The following ZNF837 variants were observed in gnomAD, a reference collection of about 807,000 sequenced individuals.
ZNF837 encodes the protein zinc finger protein 837.
For synonymous variants in ZNF837, 475 were observed against 365.2 expected (o/e 1.30, Z -3.43); for missense variants, 955 against 801.7 (o/e 1.19, Z -2.31).
Position 58,368,604 on chromosome 19 carries a change from G to A in ZNF837, c.729C>T (p.Gly243=), listed in dbSNP as rs1351250201. 6.5e-6 allele frequency: 10 copies of A among 1,533,978 alleles called. No homozygotes were observed. The highest frequency in any genetic ancestry group is 1.4e-5 in the African/African-American group (1 of 73,106). ...RFRPNQQQQA[G]KSPPVCPECG... ...ACTCAGGACACACTGGGGGACTCTT[G>A]CCCGCCTGCTGCTGCTGGTTGGGGC... The change falls in exon 3 of 3, where the codon GGC becomes GGT. Residue 243 remains glycine (G), a synonymous_variant. Transcript: ENST00000597582.
At chr19:58,373,874 A>G (rs1417259607) in intron 1 of ZNF837, among the ~76,000 whole-genome samples, 1 of 152,234 alleles carries the variant, frequency 6.6e-6, no homozygotes, top group African/African-American at 2.4e-5. Flanking sequence ...CTGTGTGAAT[A>G]AAGTAAATGA....
At position 58,368,150 on chromosome 19, in the gene ZNF837, CG is replaced by C; in HGVS notation, c.1182del (p.Glu395SerfsTer12). 1 of 1,587,758 alleles carries C rather than the reference CG, an allele frequency of 6.3e-7. No individual in the cohort carries two copies. On this transcript the variant is annotated frameshift_variant, in exon 3 of 3. Transcript: ENST00000597582. LOFTEE classifies it low-confidence loss of function (END_TRUNC). ...VHTGEKPYAC[P>X]ECGKAFNQRS... Reference sequence around the variant, plus strand: ...CGCTGGTTGAAGGCCTTGCCGCACTCGGGGCACGCGTAGGGCTTCTCGCCGG... The same window carrying C: ...CGCTGGTTGAAGGCCTTGCCGCACTCGGGCACGCGTAGGGCTTCTCGCCGG...
At chr19:58,378,829 G>A (rs1986952729) in intron 1 of ZNF837, among the ~76,000 whole-genome samples, 1 of 152,176 alleles carries the variant, frequency 6.6e-6, no homozygotes, top group Non-Finnish European at 1.5e-5. Flanking sequence ...ACGGAGAAGA[G>A]TGGTCCATGT....
intron 1 of ZNF837, among the ~76,000 whole-genome samples, chr19:58,375,858 C>A (rs1030205556): frequency 1.3e-5 from 2 of 151,750 alleles, no homozygotes; most frequent in African/African-American, 4.8e-5. Context: ...GTCATTTGAG[C>A]CCTGGTCACA....
intron 1 of ZNF837, among the ~76,000 whole-genome samples, chr19:58,373,027 G>A (rs2052214783): frequency 6.6e-6 from 1 of 152,172 alleles, no homozygotes; most frequent in Non-Finnish European, 1.5e-5. Flanking sequence ...CTGGTGTGAT[G>A]TGAGGTTTCT....
intron 1 of ZNF837, among the ~76,000 whole-genome samples, chr19:58,377,238 C>CGCAGTG (rs2052256640): frequency 8.4e-6 from 1 of 118,606 alleles, no homozygotes; most frequent in Admixed American, 9.1e-5. Context: ...AAAGGCTGGG[C>CGCAGTG]GCAGTGGCTC....
chr19:58,372,436 G>GC (rs1029468749), intron 1 of ZNF837, among the ~76,000 whole-genome samples: 2 of 151,904 alleles, frequency 1.3e-5, no homozygotes, highest in East Asian at 1.9e-4. Flanking sequence ...GGGAGTCCGG[G>GC]GGGGGCGGAT....
In ZNF837 at chr19:58,375,292, ATATATATATATATATATATAAAAT is replaced by A. The variant is rs2052234357; in HGVS notation, c.-139-5388_-139-5365del. On this transcript the variant is annotated intron_variant, in intron 1 of 2. Transcript: ENST00000597582. ...AAAGTATATATATATATATATATATATATATATATATATATATATAAAATTACATATATACTTAAGAGTATATAT... is the reference window on the plus strand; with the variant it reads ...AAAGTATATATATATATATATATATATACATATATACTTAAGAGTATATAT... 5.4e-5 allele frequency among the ~76,000 whole-genome samples: 4 copies of A among 74,560 alleles called. No homozygotes were observed. In the Admixed American group the frequency reaches 7.0e-4, roughly 13 times the overall value. The allele number at this position is 74,560 out of a possible 152,430, so 48.9% of individuals were successfully genotyped here. A position where few individuals can be genotyped will look rare whatever the true frequency, so the allele number is the denominator to read the frequency against.
Position 58,368,775 on chromosome 19 carries a change from G to A in ZNF837, c.558C>T (p.Thr186=). ...CCACCAAGGGGTTCCTCCCGCGGGAGGTCGGCTTTGGGGTCCTCGGGCAGG... is the reference window on the plus strand; with the variant it reads ...CCACCAAGGGGTTCCTCCCGCGGGAAGTCGGCTTTGGGGTCCTCGGGCAGG... ...APTCPRTPKP[T]SRGRNPLVEQ... is the part of the protein sequence containing the mutation. Residue 186 remains threonine (T), a synonymous_variant, in exon 3 of 3, where the codon ACC becomes ACT. Coordinates refer to ENST00000597582, the MANE Select transcript of ZNF837 (RefSeq NM_138466.2). 6.5e-7 allele frequency: 1 copy of A among 1,542,998 alleles called. No individual in the cohort carries two copies. Among genetic ancestry groups the A allele is most frequent in the South Asian group, 1.2e-5 (1 of 84,030 alleles).
chr19:58,371,028 T>G (rs551689930), intron 1 of ZNF837, among the ~76,000 whole-genome samples: 63 of 151,624 alleles, frequency 4.2e-4, no homozygotes, highest in Middle Eastern at 3.4e-3. Context: ...GATCACGAGG[T>G]CAGGAGATCG....
rs1242397145 is a variant in ZNF837, at chr19:58,368,895, GT to G, written c.437del (p.Asp146AlafsTer261). 3.2e-6 allele frequency: 5 copies of G among 1,548,136 alleles called. No homozygotes were observed. In the African/African-American group the frequency reaches 4.1e-5, roughly 13 times the overall value. On this transcript the variant is annotated frameshift_variant, in exon 3 of 3. Transcript: ENST00000597582. LOFTEE classifies it low-confidence loss of function (END_TRUNC). ...GGTTCTGGATCCGCTCCGGACAGGG[GT>G]CACACACGGGTGGCGTCTCCCCAGC... Reference protein sequence around the residue: ...APAGETPPVCDPCPERIQNHP... With the variant: ...APAGETPPVCXPCPERIQNHP...
At position 58,369,450 on chromosome 19, in the gene ZNF837, G is replaced by A. The variant is rs1039461683; in HGVS notation, c.-29-89C>T. 16 of 1,146,666 alleles carry A rather than the reference G, an allele frequency of 1.4e-5. No homozygotes were observed. The African/African-American group carries it at 2.3e-4, about 16-fold the overall frequency. The allele number at this position is 1,146,666 out of a possible 1,614,324, so 71.0% of individuals were successfully genotyped here. A position where few individuals can be genotyped will look rare whatever the true frequency, so the allele number is the denominator to read the frequency against. The stretch of plus-strand genomic sequence containing the variant: ...CCAACGAGCGACCACCCCACAGCTG[G>A]CACCTACTGGGCGGCCCCCAGCTCT... On this transcript the variant is annotated intron_variant, in intron 2 of 2. Coordinates refer to ENST00000597582, the MANE Select transcript of ZNF837 (RefSeq NM_138466.2).
At position 58,368,239 on chromosome 19, in the gene ZNF837, C is replaced by T. The variant is rs757812003; in HGVS notation, c.1094G>A (p.Cys365Tyr). ...GSGAGEKPYE[C>Y]ADCAKAFGLF... ...CCCGAAGGCCTTGGCGCAGTCGGCG[C>T]ACTCGTACGGCTTCTCCCCGGCTCC... is the stretch of plus-strand genomic sequence containing the variant. Residue 365 changes from cysteine to tyrosine, a missense_variant, in exon 3 of 3, where the codon TGC (cysteine) becomes TAC (tyrosine). By Grantham distance (194) the Cys-to-Tyr change is radical (BLOSUM62 -2). Coordinates refer to ENST00000597582, the MANE Select transcript of ZNF837 (RefSeq NM_138466.2). 31 of 1,508,782 alleles carry T rather than the reference C, an allele frequency of 2.1e-5. No homozygotes were observed. Among genetic ancestry groups the T allele is most frequent in the Non-Finnish European group, 2.5e-5 (28 of 1,131,682 alleles). The allele number at this position is 1,508,782 out of a possible 1,614,324, so 93.5% of individuals were successfully genotyped here. A position where few individuals can be genotyped will look rare whatever the true frequency, so the allele number is the denominator to read the frequency against.
rs1433144617 is a variant in ZNF837 at position 58,369,096 on chromosome 19, C to T, written c.237G>A (p.Arg79=). The change falls in exon 3 of 3, where the codon CGG becomes CGA. Residue 79 remains arginine, a synonymous_variant. Coordinates refer to ENST00000597582, the MANE Select transcript of ZNF837 (RefSeq NM_138466.2). ...CGAGGGGTCTGGTCCCGGCGCTGTG[C>T]CGGGTCCCCGGGCCGGGGCTCACCC... ...SLGVSPGPGT[R]HSAGTRPLVR... 3 of 1,507,622 alleles carry T rather than the reference C, an allele frequency of 2.0e-6. No individual in the cohort carries two copies. Among genetic ancestry groups the T allele is most frequent in the South Asian group, 2.5e-5 (2 of 78,548 alleles). 93.4% of individuals were successfully genotyped at this position (1,507,622 alleles called of 1,614,324 possible).
At chr19:58,376,279 G>A (rs2052244580) in intron 1 of ZNF837, among the ~76,000 whole-genome samples, 2 of 152,048 alleles carry the variant, frequency 1.3e-5, no homozygotes, top group South Asian at 4.1e-4. Context: ...TTGGCCGGGC[G>A]CGGTGGCTCA....
rs2052179553 is a variant in ZNF837 at position 58,369,361 on chromosome 19, T to C, written c.-29A>G. On this transcript the variant is annotated splice_region_variant and 5_prime_UTR_variant, in exon 3 of 3. Transcript: ENST00000597582. ...GGGGCGCAGAGTTCTGGTTGTAGGA[T>C]CTGGAAGAGCAGAGAAGAAATGGAG... 3.0e-6 allele frequency: 4 copies of C among 1,332,454 alleles called. No homozygotes were observed. The South Asian group carries it at 8.5e-5, about 28-fold the overall frequency. 82.5% of individuals were successfully genotyped at this position (1,332,454 alleles called of 1,614,324 possible).
chr19:58,367,895 A>G lies in ZNF837; in HGVS notation c.1438T>C (p.Cys480Arg). 6.5e-7 allele frequency: 1 copy of G among 1,534,944 alleles called. No homozygotes were observed. Among genetic ancestry groups the G allele is most frequent in the Non-Finnish European group, 8.7e-7 (1 of 1,144,114 alleles). Residue 480 changes from cysteine (C) to arginine (R), a missense_variant, in exon 3 of 3, where the codon TGC (cysteine) becomes CGC (arginine). By Grantham distance (180) the Cys-to-Arg change is radical (BLOSUM62 -3). Transcript: ENST00000597582. ...CAGTTGCGCACGAAGGCCTTGCCGC[A>G]GTCGCGGCAGATGTAGGGCTTCTCG... ...SGEKPYICRD[C>R]GKAFVRNCSL...
intron 1 of ZNF837, among the ~76,000 whole-genome samples, chr19:58,370,298 T>G (rs2052188063): frequency 6.6e-6 from 1 of 152,178 alleles, no homozygotes; most frequent in Non-Finnish European, 1.5e-5. Flanking sequence ...CATGTTCATC[T>G]CTCTCTTTCT....
rs929841614 is a variant in ZNF837, at chr19:58,368,003, C to T, written c.1330G>A (p.Glu444Lys). 4 of 1,532,240 alleles carry T rather than the reference C, an allele frequency of 2.6e-6. No homozygotes were observed. In the African/African-American group the frequency reaches 4.1e-5, roughly 16 times the overall value. The allele number at this position is 1,532,240 out of a possible 1,614,324, so 94.9% of individuals were successfully genotyped here. A position where few individuals can be genotyped will look rare whatever the true frequency, so the allele number is the denominator to read the frequency against. ...LVQHQRAHTG[E>K]RPYGCSECGK... ...CACTCGGAGCAGCCATAGGGCCGCTCGCCGGTGTGCGCGCGCTGGTGTTGC... is the reference window on the plus strand; with the variant it reads ...CACTCGGAGCAGCCATAGGGCCGCTTGCCGGTGTGCGCGCGCTGGTGTTGC... The change falls in exon 3 of 3, where the codon GAG becomes AAG. Residue 444 changes from glutamate (E) to lysine (K), a missense_variant. Physicochemically the swap from Glu to Lys is moderately conservative, Grantham distance 56. Coordinates refer to ENST00000597582, the MANE Select transcript of ZNF837 (RefSeq NM_138466.2).
Sources: allele counts gnomAD v4.1 joint callset (sites outside exome capture counted in the v4.1 genomes callset), GRCh38; gene constraint gnomAD v4.1.1; transcripts MANE v1.5; gene names NCBI Gene and HGNC (gene_info 2026-07-23, HGNC 2026-07-21).